Variants in ADAMTS6 observed in about 807,000 individuals in gnomAD.
ADAMTS6 encodes the protein A disintegrin and metalloproteinase with thrombospondin motifs 6.
In ADAMTS6, 23 loss-of-function variants were observed where a neutral mutation model predicts 144.3. The observed-to-expected ratio is 0.16, with a 90% CI of 0.11 to 0.23. ADAMTS6 has a LOEUF of 0.23. Among genes scored for constraint, ADAMTS6 ranks in the 10% least tolerant of loss-of-function variants. The pLI, the probability that ADAMTS6 is intolerant of heterozygous loss-of-function variation, is 1.00. For missense variants in ADAMTS6, 999 were observed against 1,379.6 expected, an observed-to-expected ratio of 0.72 and a Z score of 4.37; for synonymous variants, 444 against 457.5, an observed-to-expected ratio of 0.97 and a Z score of 0.38.
chr5:65,305,002 C>A (rs1271196278), intron 9 of ADAMTS6, among the ~76,000 whole-genome samples: 1 of 151,590 alleles, frequency 6.6e-6, no homozygotes, highest in Non-Finnish European at 1.5e-5. Context: ...AGTAGTGTAT[C>A]AATGTCAAAC....
At chr5:65,315,934 CG>C (rs1744948580) in intron 9 of ADAMTS6, among the ~76,000 whole-genome samples, 1 of 151,946 alleles carries the variant, frequency 6.6e-6, no homozygotes, top group Non-Finnish European at 1.5e-5. Flanking sequence ...TTTTTGGAGA[CG>C]GAGTCTCGCT....
intron 7 of ADAMTS6, among the ~76,000 whole-genome samples, chr5:65,344,327 C>T (rs1284373863): frequency 1.3e-5 from 2 of 151,842 alleles, no homozygotes; most frequent in Non-Finnish European, 2.9e-5. Context: ...CTTTCTCTTT[C>T]ATTGTTCTGT....
At chr5:65,156,272 C>T (rs1379131970) in intron 24 of ADAMTS6, among the ~76,000 whole-genome samples, 3 of 151,858 alleles carry the variant, frequency 2.0e-5, no homozygotes, top group Non-Finnish European at 4.4e-5. Flanking sequence ...CTCTTCTACC[C>T]TTGAGCAGTA....
At chr5:65,277,743 C>T (rs1390955909) in intron 11 of ADAMTS6, among the ~76,000 whole-genome samples, 1 of 152,118 alleles carries the variant, frequency 6.6e-6, no homozygotes, top group African/African-American at 2.4e-5. Context: ...GAATTGAAAT[C>T]TCTATCCTTG....
chr5:65,321,708 C>CTTTTTT (rs529236363), intron 9 of ADAMTS6, among the ~76,000 whole-genome samples: 190 of 78,884 alleles, frequency 2.4e-3, no homozygotes, highest in South Asian at 3.3e-3. Context: ...TTTTCTTTTC[C>CTTTTTT]TTTTTTTTTT....
At chr5:65,205,895 C>T (rs938992201) in intron 20 of ADAMTS6, among the ~76,000 whole-genome samples, 2 of 152,090 alleles carry the variant, frequency 1.3e-5, no homozygotes, top group African/African-American at 4.8e-5. Context: ...GAGGATGCAT[C>T]GGAAGGAATA....
At chr5:65,392,505 G>A (rs1290341611) in intron 7 of ADAMTS6, among the ~76,000 whole-genome samples, 1 of 152,064 alleles carries the variant, frequency 6.6e-6, no homozygotes, top group East Asian at 1.9e-4. Flanking sequence ...GTTTTTCAGT[G>A]ATTTACAAAC....
chr5:65,313,530 G>A (rs535214082), intron 9 of ADAMTS6, among the ~76,000 whole-genome samples: 8 of 151,968 alleles, frequency 5.3e-5, no homozygotes, highest in African/African-American at 1.7e-4. Flanking sequence ...TAGTATTTAT[G>A]AAAAGACAAT....
chr5:65,162,607 T>C (rs1752842831), intron 24 of ADAMTS6, among the ~76,000 whole-genome samples: 1 of 133,318 alleles, frequency 7.5e-6, no homozygotes, highest in Non-Finnish European at 1.6e-5. Flanking sequence ...GTTGTCAGGA[T>C]TATATAAGAT....
In ADAMTS6 at chr5:65,457,982, C is replaced by G. The variant is rs189051165; in HGVS notation, c.631+2188G>C. ...CCTCGTGATCCGCCTGCCTCAGCTT[C>G]CCAAAGTGCTGGGATTATAGGCCTG... On this transcript the variant is annotated intron_variant, in intron 4 of 24. Transcript: ENST00000381055. Among the ~76,000 whole-genome samples the G allele has an allele frequency of 2.5e-4, 38 of 151,998 alleles. No homozygotes were observed. The East Asian group carries it at 7.2e-3, about 29-fold the overall frequency.
At chr5:65,186,253 A>T (rs1429760840) in intron 22 of ADAMTS6, among the ~76,000 whole-genome samples, 1 of 151,852 alleles carries the variant, frequency 6.6e-6, no homozygotes, top group Non-Finnish European at 1.5e-5. Flanking sequence ...TTCTGATCCT[A>T]CTCCAGGCTA....
chr5:65,351,816 AAG>A, intron 7 of ADAMTS6, among the ~76,000 whole-genome samples: 1 of 152,272 alleles, frequency 6.6e-6, no homozygotes, highest in East Asian at 1.9e-4. Context: ...ACAAAAAAAA[AAG>A]AGAAGAAGAA....
At chr5:65,223,311 T>G (rs112839302) in intron 18 of ADAMTS6, among the ~76,000 whole-genome samples, 4 of 152,238 alleles carry the variant, frequency 2.6e-5, no homozygotes, top group African/African-American at 9.6e-5. Flanking sequence ...TACATATCCA[T>G]AACTTCCTAC....
intron 20 of ADAMTS6, among the ~76,000 whole-genome samples, chr5:65,201,485 G>C (rs933264223): frequency 4.6e-5 from 7 of 152,276 alleles, no homozygotes; most frequent in South Asian, 2.1e-4. Flanking sequence ...TAACTTGAAA[G>C]GGTGACATGT....
intron 11 of ADAMTS6, among the ~76,000 whole-genome samples, chr5:65,279,559 T>C (rs982527697): frequency 1.3e-5 from 2 of 151,492 alleles, no homozygotes; most frequent in African/African-American, 4.8e-5. Context: ...TCAAGTGATC[T>C]GCCTGCCTCG....
chr5:65,263,565 A>G (rs1284813395), intron 12 of ADAMTS6, among the ~76,000 whole-genome samples: 1 of 152,138 alleles, frequency 6.6e-6, no homozygotes, highest in Non-Finnish European at 1.5e-5. Flanking sequence ...CTGACTAGCC[A>G]TGTGTATGGC....
chr5:65,212,423 CT>C (rs397881866), intron 20 of ADAMTS6, among the ~76,000 whole-genome samples: 2,734 of 107,810 alleles, frequency 0.025, 74 homozygotes, highest in African/African-American at 0.08. Context: ...TTTTCTCTCT[CT>C]TTTTTTTTTT....
intron 20 of ADAMTS6, among the ~76,000 whole-genome samples, chr5:65,202,169 G>C (rs1755781930): frequency 1.3e-5 from 2 of 152,152 alleles, no homozygotes; most frequent in South Asian, 2.1e-4. Context: ...TCTTTCAAAG[G>C]CTTCCCTTCT....
chr5:65,286,028 G>A (rs1311682866), intron 11 of ADAMTS6, among the ~76,000 whole-genome samples: 3 of 152,142 alleles, frequency 2.0e-5, no homozygotes, highest in Middle Eastern at 3.2e-3. Context: ...GCTCCCCAAA[G>A]TACAAAAGGT....
Sources: allele counts gnomAD v4.1 joint callset (sites outside exome capture counted in the v4.1 genomes callset), GRCh38; gene constraint gnomAD v4.1.1; transcripts MANE v1.5; gene names NCBI Gene and HGNC (gene_info 2026-07-23, HGNC 2026-07-21).